WDHD1: variants seen among roughly 807,000 people sequenced by gnomAD.
WDHD1 encodes WD repeat and HMG-box DNA-binding protein 1.
A neutral mutation model predicts 135.4 loss-of-function variants in WDHD1; 111 were observed. The observed-to-expected ratio is 0.82, with a 90% CI of 0.70 to 0.96. WDHD1 has a LOEUF of 0.96. Among genes scored for constraint, WDHD1 ranks in the 40% least tolerant of loss-of-function variants. The pLI is 0.00. For synonymous variants in WDHD1, 434 were observed against 439.0 expected, an observed-to-expected ratio of 0.99 and a Z score of 0.14; for missense variants, 1,351 against 1,336.3, an observed-to-expected ratio of 1.01 and a Z score of -0.17.
chr14:54,988,255 G>C lies in WDHD1; in HGVS notation c.1526+773C>G, dbSNP rs549830029. On this transcript the variant is annotated intron_variant, in intron 13 of 25. Coordinates refer to ENST00000360586, the MANE Select transcript of WDHD1 (RefSeq NM_007086.4). ...CCGTTTTTTTTTCCTTTCTCGAAGA[G>C]AGATTTTAAATTTAATCCATCATGA... 1.2e-3 allele frequency among the ~76,000 whole-genome samples: 176 copies of C among 151,768 alleles called. 1 individual carries two copies. The highest frequency in any genetic ancestry group is 4.1e-3 in the African/African-American group (168 of 41,360).
chr14:54,975,502 C>T (rs2041511103), intron 16 of WDHD1, among the ~76,000 whole-genome samples: 1 of 151,952 alleles, frequency 6.6e-6, no homozygotes, highest in Non-Finnish European at 1.5e-5. Flanking sequence ...CATCTGCCAC[C>T]AGGCCTGGCT....
intron 25 of WDHD1, among the ~76,000 whole-genome samples, chr14:54,943,523 T>C (rs2040871243): frequency 6.6e-6 from 1 of 152,040 alleles, no homozygotes; most frequent in Non-Finnish European, 1.5e-5. Flanking sequence ...CTCAACCTCC[T>C]GAGTAACTGG....
rs779128193 is a variant in WDHD1 at position 55,007,337 on chromosome 14, G to A, written c.543C>T (p.Asn181=). ...AISWPLLQKC[N]DVINAKSICR... ...AGATTGATTTTGCATTTATCACATC[G>A]TTGCATTTTTGTAGCAGTGGCCAAC... is the stretch of plus-strand genomic sequence containing the variant. Residue 181 remains asparagine (N), a synonymous_variant, in exon 7 of 26, where the codon AAC becomes AAT. Transcript: ENST00000360586. 13 of 1,604,772 alleles carry A rather than the reference G, an allele frequency of 8.1e-6. No individual in the cohort carries two copies. The highest frequency in any genetic ancestry group is 3.4e-5 in the Admixed American group (2 of 59,180).
chr14:54,977,912 G>GA (rs11365009), intron 16 of WDHD1, among the ~76,000 whole-genome samples: 27 of 141,366 alleles, frequency 1.9e-4, no homozygotes, highest in African/African-American at 7.0e-4. Flanking sequence ...GGGTTGTGTG[G>GA]AAAAAAAAAA....
intron 7 of WDHD1, chr14:55,004,862 G>T: frequency 1.9e-6 from 1 of 513,788 alleles, no homozygotes; most frequent in East Asian, 5.2e-5. Context: ...CTGAGCAGTG[G>T]GGAGCCGCAG....
chr14:54,993,574 C>A (rs2041826059), intron 11 of WDHD1, among the ~76,000 whole-genome samples: 1 of 152,196 alleles, frequency 6.6e-6, no homozygotes, highest in Non-Finnish European at 1.5e-5. Flanking sequence ...TAAAAGATTT[C>A]TTAAAATACT....
chr14:54,954,227 A>C (rs2041113516), intron 24 of WDHD1, among the ~76,000 whole-genome samples: 1 of 152,178 alleles, frequency 6.6e-6, no homozygotes, highest in South Asian at 2.1e-4. Flanking sequence ...CGGAGGTTGC[A>C]GTGAGCCAAG....
chr14:55,011,673 ATTTATT>A (rs1000021160), intron 3 of WDHD1, among the ~76,000 whole-genome samples: 12 of 150,556 alleles, frequency 8.0e-5, no homozygotes, highest in African/African-American at 2.9e-4. Flanking sequence ...ATATGTATTT[ATTTATT>A]TTAACAAACA....
At chr14:55,008,018 G>A (rs750254975) in intron 6 of WDHD1, among the ~76,000 whole-genome samples, 4 of 152,082 alleles carry the variant, frequency 2.6e-5, no homozygotes, top group Admixed American at 6.6e-5. Flanking sequence ...AAGGCCCAAC[G>A]CATGGTCATT....
chr14:54,965,540 A>G (rs2041326408), intron 18 of WDHD1, among the ~76,000 whole-genome samples: 1 of 152,218 alleles, frequency 6.6e-6, no homozygotes, highest in South Asian at 2.1e-4. Flanking sequence ...AACAGAAACT[A>G]GAGCAGTGGT....
At chr14:54,966,425 T>G in intron 18 of WDHD1, 50 bp downstream of exon 18, 1 of 1,556,238 alleles carries the variant, frequency 6.4e-7, no homozygotes, top group Middle Eastern at 2.4e-4. Context: ...AAATTCAACC[T>G]ATAGAAAAGC....
chr14:54,977,803 TAA>T (rs1433147104), intron 16 of WDHD1, among the ~76,000 whole-genome samples: 1 of 151,934 alleles, frequency 6.6e-6, no homozygotes, highest in Non-Finnish European at 1.5e-5. Context: ...TTATTGAATA[TAA>T]CAGTTAAATG....
chr14:54,946,967 C>G (rs1277637124), intron 24 of WDHD1, among the ~76,000 whole-genome samples: 2 of 152,082 alleles, frequency 1.3e-5, no homozygotes, highest in East Asian at 1.9e-4. Context: ...TGCTTGAACC[C>G]AGAAGGTGGA....
chr14:54,996,467 G>T (rs116867150), intron 10 of WDHD1, among the ~76,000 whole-genome samples: 8 of 152,080 alleles, frequency 5.3e-5, no homozygotes, highest in Non-Finnish European at 2.9e-5. Flanking sequence ...AGGCATGGTG[G>T]CATGTGTCTA....
At chr14:54,972,573 A>G (rs2041456585) in intron 16 of WDHD1, among the ~76,000 whole-genome samples, 1 of 138,430 alleles carries the variant, frequency 7.2e-6, no homozygotes, top group East Asian at 2.0e-4. Flanking sequence ...AAAAAAAAAA[A>G]AAAAAAAAAA....
chr14:55,024,221 A>G (rs1200421885), intron 2 of WDHD1, among the ~76,000 whole-genome samples: 1 of 152,188 alleles, frequency 6.6e-6, no homozygotes, highest in Non-Finnish European at 1.5e-5. Flanking sequence ...TTGAGACACA[A>G]TTATCCAACT....
At chr14:54,994,897 G>A (rs765191077) in intron 11 of WDHD1, among the ~76,000 whole-genome samples, 6 of 152,082 alleles carry the variant, frequency 3.9e-5, no homozygotes, top group Admixed American at 2.6e-4. Flanking sequence ...TATAGTGATG[G>A]CCCACCTCTC....
intron 7 of WDHD1, among the ~76,000 whole-genome samples, chr14:55,004,435 T>C (rs1484373607): frequency 6.6e-6 from 1 of 150,976 alleles, no homozygotes; most frequent in African/African-American, 2.4e-5. Flanking sequence ...GGACTTTCCC[T>C]TTTTTTTTAG....
rs78320232 is a variant in WDHD1, at chr14:54,984,958, T to C, written c.1769-98A>G. On this transcript the variant is annotated intron_variant, in intron 14 of 25. Coordinates refer to ENST00000360586, the MANE Select transcript of WDHD1 (RefSeq NM_007086.4). ...GTGAATTGATTTTGTGGTAAATTAC[T>C]AGACTGACTAGCACTACTTTTTATG... 5.2e-4 allele frequency: 763 copies of C among 1,456,848 alleles called. 2 individuals are homozygous for C. In the African/African-American group the frequency reaches 9.4e-3, roughly 18 times the overall value. The allele number at this position is 1,456,848 out of a possible 1,614,324, so 90.2% of individuals were successfully genotyped here. A position where few individuals can be genotyped will look rare whatever the true frequency, so the allele number is the denominator to read the frequency against.
Sources: allele counts gnomAD v4.1 joint callset (sites outside exome capture counted in the v4.1 genomes callset), GRCh38; gene constraint gnomAD v4.1.1; transcripts MANE v1.5; gene names NCBI Gene and HGNC (gene_info 2026-07-23, HGNC 2026-07-21).